Variants in ADAMTS3 observed in about 807,000 individuals in gnomAD.
ADAMTS3 encodes the protein A disintegrin and metalloproteinase with thrombospondin motifs 3.
ADAMTS3 carries 73 observed loss-of-function variants against 129.0 expected under a neutral mutation model. That is an observed-to-expected ratio of 0.57 (90% CI 0.47 to 0.69). ADAMTS3 has a LOEUF of 0.69. Ranked by LOEUF, ADAMTS3 falls within the 30% of genes least tolerant of loss-of-function variation. The pLI is 0.00. For synonymous variants in ADAMTS3, 477 were observed against 510.8 expected (o/e 0.93, Z 0.89); for missense variants, 1,457 against 1,514.5 (o/e 0.96, Z 0.63).
At chr4:72,553,585 G>A (rs1169842842) in intron 2 of ADAMTS3, among the ~76,000 whole-genome samples, 1 of 152,126 alleles carries the variant, frequency 6.6e-6, no homozygotes. Context: ...TTTTCTCTGA[G>A]CACTCCAGGC....
At chr4:72,528,563 G>T (rs938863656) in intron 3 of ADAMTS3, among the ~76,000 whole-genome samples, 4 of 148,820 alleles carry the variant, frequency 2.7e-5, no homozygotes, top group African/African-American at 4.9e-5. Flanking sequence ...TCCTTCACTA[G>T]CTTGTACGTG....
intron 3 of ADAMTS3, among the ~76,000 whole-genome samples, chr4:72,513,292 C>T (rs1482910719): frequency 6.6e-6 from 1 of 152,178 alleles, no homozygotes; most frequent in African/African-American, 2.4e-5. Flanking sequence ...CTTACACACA[C>T]TCCTTTCTTC....
intron 3 of ADAMTS3, among the ~76,000 whole-genome samples, chr4:72,468,742 A>T (rs1003849058): frequency 6.8e-6 from 1 of 146,022 alleles, no homozygotes; most frequent in Non-Finnish European, 1.5e-5. Flanking sequence ...CAAAACTGGC[A>T]TGTATTATGA....
At position 72,291,825 on chromosome 4, in the gene ADAMTS3, C is replaced by G. The variant is rs530800926; in HGVS notation, c.2724-763G>C. Among the ~76,000 whole-genome samples the G allele has an allele frequency of 5.4e-4, 82 of 152,300 alleles. 2 individuals carry two copies. In the South Asian group the frequency reaches 0.017, roughly 31 times the overall value. On this transcript the variant is annotated intron_variant, in intron 19 of 21. Transcript: ENST00000286657. Reference sequence around the variant, plus strand: ...GTTCTAGATCCCTGAGGAATCGCCACACTGACTTCCACAATGGTTGAACTA... The same window carrying G: ...GTTCTAGATCCCTGAGGAATCGCCAGACTGACTTCCACAATGGTTGAACTA...
chr4:72,309,352 A>C, intron 15 of ADAMTS3, 45 bp downstream of exon 15: 10 of 1,597,474 alleles, frequency 6.3e-6, no homozygotes, highest in Non-Finnish European at 8.6e-6. Flanking sequence ...CAAAAAGTAC[A>C]AATCACAGAG....
chr4:72,323,692 G>C (rs749160889), intron 5 of ADAMTS3, among the ~76,000 whole-genome samples: 12 of 152,144 alleles, frequency 7.9e-5, no homozygotes, highest in Non-Finnish European at 1.3e-4. Context: ...GACTGTACGA[G>C]TACCTGTCAG....
Position 72,568,831 on chromosome 4 carries a change from C to CCACAAA in ADAMTS3, c.-70_-69insTTTGTG. On this transcript the variant is annotated 5_prime_UTR_variant, in exon 1 of 22. Transcript: ENST00000286657. ...CCAGAGCAAACCCACCCCCCCCGCC[C>CCACAAA]AAAATAAGTTTCTTTAAGAAAAAAA... 8.5e-7 allele frequency: 1 copy of CCACAAA among 1,177,372 alleles called. No individual in the cohort carries two copies. Among genetic ancestry groups the CCACAAA allele is most frequent in the South Asian group, 1.4e-5 (1 of 72,590 alleles). The allele number at this position is 1,177,372 out of a possible 1,614,324, so 72.9% of individuals were successfully genotyped here.
intron 6 of ADAMTS3, 39 bp downstream of exon 6, chr4:72,322,975 G>A (rs1719598075): frequency 1.3e-6 from 2 of 1,490,330 alleles, no homozygotes; most frequent in South Asian, 1.1e-5. Flanking sequence ...TGCTAACCCA[G>A]TCCCTAATGT....
chr4:72,353,330 T>G (rs1720492109), intron 4 of ADAMTS3, among the ~76,000 whole-genome samples: 2 of 152,022 alleles, frequency 1.3e-5, no homozygotes, highest in African/African-American at 2.4e-5. Flanking sequence ...GAATTCCACA[T>G]GAGACTTTGG....
intron 3 of ADAMTS3, among the ~76,000 whole-genome samples, chr4:72,461,746 C>T (rs886508616): frequency 2.2e-4 from 33 of 151,846 alleles, no homozygotes; most frequent in African/African-American, 8.0e-4. Context: ...CTTTGGCTAA[C>T]TTAATTATTT....
intron 4 of ADAMTS3, among the ~76,000 whole-genome samples, chr4:72,409,983 T>C (rs111871336): frequency 0.011 from 894 of 82,162 alleles, 15 homozygotes; most frequent in African/African-American, 0.03. Context: ...TGATTGCTAC[T>C]TGATCTTAGT....
At chr4:72,422,553 A>G (rs1176472830) in intron 3 of ADAMTS3, among the ~76,000 whole-genome samples, 1 of 152,132 alleles carries the variant, frequency 6.6e-6, no homozygotes, top group Non-Finnish European at 1.5e-5. Context: ...TTTATAAAAC[A>G]ATGATGTATG....
chr4:72,430,542 C>G (rs572123036), intron 3 of ADAMTS3, among the ~76,000 whole-genome samples: 1 of 151,970 alleles, frequency 6.6e-6, no homozygotes, highest in Non-Finnish European at 1.5e-5. Flanking sequence ...GGCGAGGAAC[C>G]CAGACTTTCT....
At chr4:72,312,666 G>A (rs1719275228) in intron 12 of ADAMTS3, among the ~76,000 whole-genome samples, 200 bp from the exon 13 acceptor site, 1 of 151,736 alleles carries the variant, frequency 6.6e-6, no homozygotes, top group Non-Finnish European at 1.5e-5. Context: ...AAAACACAAA[G>A]CTCAACTTAA....
At chr4:72,543,865 A>G (rs573710372) in intron 3 of ADAMTS3, among the ~76,000 whole-genome samples, 1 of 152,298 alleles carries the variant, frequency 6.6e-6, no homozygotes, top group East Asian at 1.9e-4. Context: ...TTAAGACGGT[A>G]CATTTTATGT....
chr4:72,379,018 T>C (rs905237253), intron 4 of ADAMTS3, among the ~76,000 whole-genome samples: 1 of 152,182 alleles, frequency 6.6e-6, no homozygotes, highest in Non-Finnish European at 1.5e-5. Context: ...CATGAGGTCC[T>C]GAACAGTTCC....
At position 72,291,012 on chromosome 4, in the gene ADAMTS3, C is replaced by T. The variant is rs1463314382; in HGVS notation, c.2774G>A (p.Gly925Asp). The T allele has an allele frequency of 1.2e-6, 2 of 1,614,002 alleles. No homozygotes were observed. The highest frequency in any genetic ancestry group is 1.1e-5 in the South Asian group (1 of 91,080). Residue 925 changes from glycine (G) to aspartate (D), a missense_variant, in exon 20 of 22, where the codon GGC becomes GAC. By Grantham distance (94) the Gly-to-Asp change is moderately conservative. Transcript: ENST00000286657. ...GCAGCGTACAGTGCGAAGCTGATAG[C>T]CAGAACTTCCACAGGTTTTGGTGCA... ...EHCTKTCGSSGYQLRTVRCLQ... is the reference protein window; with the variant it reads ...EHCTKTCGSSDYQLRTVRCLQ...
intron 3 of ADAMTS3, among the ~76,000 whole-genome samples, chr4:72,531,615 A>C (rs1721044095): frequency 6.6e-6 from 1 of 152,146 alleles, no homozygotes; most frequent in Non-Finnish European, 1.5e-5. Context: ...CAGGCTGTTG[A>C]AGCGCAGGAC....
intron 4 of ADAMTS3, among the ~76,000 whole-genome samples, chr4:72,352,125 C>A (rs888197759): frequency 8.6e-5 from 13 of 151,910 alleles, no homozygotes; most frequent in African/African-American, 2.9e-4. Flanking sequence ...GTCCAAGAAA[C>A]CTAAACATTT....
Sources: allele counts gnomAD v4.1 joint callset (sites outside exome capture counted in the v4.1 genomes callset), GRCh38; gene constraint gnomAD v4.1.1; transcripts MANE v1.5; gene names NCBI Gene and HGNC (gene_info 2026-07-23, HGNC 2026-07-21).